The following SOX6 variants were observed in gnomAD, a reference collection of about 807,000 sequenced individuals.
SOX6 encodes transcription factor SOX-6.
In SOX6, 11 loss-of-function variants were observed where a neutral mutation model predicts 97.8. That is an observed-to-expected ratio of 0.11 (90% confidence interval 0.07 to 0.19). The LOEUF (loss-of-function observed/expected upper bound fraction) is 0.19. SOX6 is among the 10% of genes least tolerant of loss of function. SOX6 has a pLI of 1.00. For missense variants in SOX6, 810 were observed against 1,039.5 expected, an observed-to-expected ratio of 0.78 and a Z score of 3.04; for synonymous variants, 360 against 371.4, an observed-to-expected ratio of 0.97 and a Z score of 0.35.
intron 4 of SOX6, among the ~76,000 whole-genome samples, chr11:16,578,794 C>T (rs1280764236): frequency 6.6e-6 from 1 of 151,994 alleles, no homozygotes; most frequent in African/African-American, 2.4e-5. Context: ...GAATAAAACA[C>T]AATGAGAGAT....
chr11:16,513,140 C>G (rs2133152870), intron 4 of SOX6, among the ~76,000 whole-genome samples: 1 of 152,274 alleles, frequency 6.6e-6, no homozygotes, highest in Admixed American at 6.5e-5. Context: ...CAAAAAGAAG[C>G]ATATGTGCAA....
intron 9 of SOX6, among the ~76,000 whole-genome samples, chr11:16,073,086 G>A (rs1297281435): frequency 6.6e-6 from 1 of 152,054 alleles, no homozygotes; most frequent in Non-Finnish European, 1.5e-5. Context: ...GATCAAACCT[G>A]CACATATCAA....
chr11:16,654,584 T>C (rs1847698491), intron 3 of SOX6, among the ~76,000 whole-genome samples: 1 of 152,132 alleles, frequency 6.6e-6, no homozygotes, highest in African/African-American at 2.4e-5. Context: ...GCCACTGCAC[T>C]CAGCCCTGTC....
intron 2 of SOX6, among the ~76,000 whole-genome samples, chr11:16,327,313 C>T (rs1417248520): frequency 1.3e-5 from 2 of 152,246 alleles, no homozygotes; most frequent in African/African-American, 2.4e-5. Flanking sequence ...GATAGCTACT[C>T]TTATTAAATA....
chr11:16,344,865 G>A (rs1856735476), intron 1 of SOX6, among the ~76,000 whole-genome samples: 1 of 151,602 alleles, frequency 6.6e-6, no homozygotes, highest in Non-Finnish European at 1.5e-5. Flanking sequence ...CTGAAAACAG[G>A]GGTTTATAAT....
intron 3 of SOX6, among the ~76,000 whole-genome samples, chr11:16,289,447 C>T (rs1854844802): frequency 6.6e-6 from 1 of 151,918 alleles, no homozygotes; most frequent in African/African-American, 2.4e-5. Flanking sequence ...AAATAATGTG[C>T]GTTCAAAAAC....
intron 9 of SOX6, among the ~76,000 whole-genome samples, chr11:16,095,641 T>C (rs565728432): frequency 1.3e-5 from 2 of 152,006 alleles, no homozygotes; most frequent in Non-Finnish European, 2.9e-5. Flanking sequence ...TATGGTCAAA[T>C]AATTTTTTAA....
At chr11:16,523,953 T>A (rs1861113886) in intron 4 of SOX6, among the ~76,000 whole-genome samples, 1 of 152,174 alleles carries the variant, frequency 6.6e-6, no homozygotes, top group African/African-American at 2.4e-5. Context: ...AATCTTTGAA[T>A]AGACCCATAA....
chr11:16,342,218 T>C lies in SOX6; in HGVS notation c.-4-966A>G, dbSNP rs1164292831. 2.0e-5 allele frequency among the ~76,000 whole-genome samples: 3 copies of C among 151,998 alleles called. No homozygotes were observed. The East Asian group carries it at 5.8e-4, about 29-fold the overall frequency. On this transcript the variant is annotated intron_variant, in intron 1 of 15. Coordinates refer to ENST00000683767, the MANE Select transcript of SOX6 (RefSeq NM_001367873.1). The stretch of plus-strand genomic sequence containing the variant: ...AAATAGAATTTCAAAATGTTTAGAA[T>C]ATCATTTTATTAAGATGAATTTCTT...
chr11:16,282,905 T>C (rs891559631), intron 3 of SOX6, among the ~76,000 whole-genome samples: 2 of 150,070 alleles, frequency 1.3e-5, no homozygotes, highest in African/African-American at 4.9e-5. Context: ...CACACATATA[T>C]TTGCCCAATA....
At chr11:16,018,155 C>T (rs1250285425) in intron 12 of SOX6, among the ~76,000 whole-genome samples, 1 of 152,012 alleles carries the variant, frequency 6.6e-6, no homozygotes, top group Non-Finnish European at 1.5e-5. Context: ...TTAGTGAGAG[C>T]TGATGAATGT....
intron 4 of SOX6, among the ~76,000 whole-genome samples, chr11:16,486,840 T>G (rs35911416): frequency 0.16 from 24,750 of 151,796 alleles, 2,065 homozygotes; most frequent in South Asian, 0.18. Flanking sequence ...AGAGCGAGAC[T>G]CCATCTCAAA....
At position 16,136,270 on chromosome 11, in the gene SOX6, G is replaced by A. The variant is rs553305976; in HGVS notation, c.778-24347C>T. On this transcript the variant is annotated intron_variant, in intron 6 of 15. Coordinates refer to ENST00000683767, the MANE Select transcript of SOX6 (RefSeq NM_001367873.1). ...CCTGACCTCGTCATCCACCCGCCTC[G>A]GCCTCCCAAGATCATTAGCATTTTT... Among the ~76,000 whole-genome samples the A allele has an allele frequency of 6.1e-4, 92 of 151,686 alleles. 1 individual carries two copies. Among genetic ancestry groups the A allele is most frequent in the Admixed American group, 1.2e-3 (18 of 15,232 alleles).
chr11:16,716,656 CATA>C (rs1175997575), intron 2 of SOX6, among the ~76,000 whole-genome samples: 1 of 151,976 alleles, frequency 6.6e-6, no homozygotes, highest in Non-Finnish European at 1.5e-5. Flanking sequence ...CAGCATCATT[CATA>C]ATAAGTCAAA....
intron 3 of SOX6, among the ~76,000 whole-genome samples, chr11:16,670,015 G>A (rs1319636741): frequency 6.6e-6 from 1 of 152,070 alleles, no homozygotes; most frequent in Non-Finnish European, 1.5e-5. Flanking sequence ...GCTACCACAG[G>A]GTGAGGAGTC....
At chr11:16,485,410 A>AC (rs929779971) in intron 4 of SOX6, among the ~76,000 whole-genome samples, 5 of 151,788 alleles carry the variant, frequency 3.3e-5, no homozygotes, top group South Asian at 2.1e-4. Context: ...ACAAAGTGAG[A>AC]CCCCCGTCTC....
chr11:16,127,940 G>A (rs1849647572), intron 6 of SOX6, among the ~76,000 whole-genome samples: 1 of 152,190 alleles, frequency 6.6e-6, no homozygotes, highest in South Asian at 2.1e-4. Context: ...GACTGATTCA[G>A]TCACAGCATG....
At chr11:16,703,524 C>A (rs1223704566) in intron 3 of SOX6, among the ~76,000 whole-genome samples, 1 of 151,926 alleles carries the variant, frequency 6.6e-6, no homozygotes, top group Non-Finnish European at 1.5e-5. Context: ...TTTTGCTTTT[C>A]AGTTTGTCAA....
intron 12 of SOX6, among the ~76,000 whole-genome samples, chr11:16,041,836 T>C (rs1265623806): frequency 6.6e-6 from 1 of 152,188 alleles, no homozygotes; most frequent in Non-Finnish European, 1.5e-5. Context: ...ATCCTGACTT[T>C]GTAAGAAGCT....
Sources: allele counts gnomAD v4.1 joint callset (sites outside exome capture counted in the v4.1 genomes callset), GRCh38; gene constraint gnomAD v4.1.1; transcripts MANE v1.5; gene names NCBI Gene and HGNC (gene_info 2026-07-23, HGNC 2026-07-21).